The following ETV6 variants were observed in gnomAD, a reference collection of about 807,000 sequenced individuals.
The protein encoded by ETV6 is transcription factor ETV6.
In ETV6, 16 loss-of-function variants were observed where a neutral mutation model predicts 51.1. The observed-to-expected ratio is 0.31, with a 90% CI of 0.21 to 0.48. The LOEUF is 0.48. Among genes scored for constraint, ETV6 ranks in the 20% least tolerant of loss-of-function variants. The pLI is 0.99. For missense variants in ETV6, 458 were observed against 594.8 expected, an observed-to-expected ratio of 0.77 and a Z score of 2.39; for synonymous variants, 240 against 224.1, an observed-to-expected ratio of 1.07 and a Z score of -0.64.
At chr12:11,743,181 A>C (rs1865842198) in intron 1 of ETV6, among the ~76,000 whole-genome samples, 1 of 152,162 alleles carries the variant, frequency 6.6e-6, no homozygotes. Context: ...ACACAGCAAC[A>C]CTGAGGAGAC....
At chr12:11,674,299 G>C (rs1023688653) in intron 1 of ETV6, among the ~76,000 whole-genome samples, 3 of 152,164 alleles carry the variant, frequency 2.0e-5, no homozygotes, top group African/African-American at 7.2e-5. Context: ...AAGAGGGAAA[G>C]CAGGAATTCT....
chr12:11,762,701 G>A (rs186854157), intron 2 of ETV6, among the ~76,000 whole-genome samples: 14 of 152,270 alleles, frequency 9.2e-5, no homozygotes, highest in Non-Finnish European at 1.6e-4. Context: ...CCCTGGGCAT[G>A]AAAACTCACA....
chr12:11,704,032 T>C (rs1865029747), intron 1 of ETV6, among the ~76,000 whole-genome samples: 1 of 152,194 alleles, frequency 6.6e-6, no homozygotes, highest in African/African-American at 2.4e-5. Flanking sequence ...TCCTTCTAGT[T>C]TTTATTTTAG....
chr12:11,673,626 A>G (rs1429568796), intron 1 of ETV6, among the ~76,000 whole-genome samples: 1 of 152,036 alleles, frequency 6.6e-6, no homozygotes, highest in Non-Finnish European at 1.5e-5. Context: ...AGAAATCAAT[A>G]TTTTTTCCTA....
intron 2 of ETV6, among the ~76,000 whole-genome samples, chr12:11,803,274 G>A (rs1158996599): frequency 6.6e-6 from 1 of 152,150 alleles, no homozygotes; most frequent in South Asian, 2.1e-4. Flanking sequence ...GCAAATTAGG[G>A]AAGAATGAAA....
At chr12:11,689,204 C>T (rs1049426065) in intron 1 of ETV6, among the ~76,000 whole-genome samples, 1 of 151,986 alleles carries the variant, frequency 6.6e-6, no homozygotes, top group African/African-American at 2.4e-5. Context: ...TAGATTGAAC[C>T]CCTGTGCTGG....
intron 1 of ETV6, among the ~76,000 whole-genome samples, chr12:11,705,685 A>G (rs960103474): frequency 3.9e-5 from 6 of 152,240 alleles, no homozygotes; most frequent in African/African-American, 1.4e-4. Flanking sequence ...TAAAAACAGC[A>G]CATTATTTTT....
At chr12:11,715,202 T>C (rs1386578856) in intron 1 of ETV6, among the ~76,000 whole-genome samples, 2 of 151,982 alleles carry the variant, frequency 1.3e-5, no homozygotes, top group South Asian at 2.1e-4. Flanking sequence ...CTATTTCTCT[T>C]TTCACTGGCC....
intron 4 of ETV6, among the ~76,000 whole-genome samples, chr12:11,863,094 G>A (rs1326742286): frequency 6.6e-6 from 1 of 152,128 alleles, no homozygotes; most frequent in Non-Finnish European, 1.5e-5. Context: ...ATGTGATCCT[G>A]GTGTGTGAGA....
intron 7 of ETV6, among the ~76,000 whole-genome samples, 192 bp from the exon 8 acceptor site, chr12:11,890,749 A>G (rs1464530253): frequency 6.6e-6 from 1 of 152,140 alleles, no homozygotes; most frequent in Non-Finnish European, 1.5e-5. Flanking sequence ...TAAGCATTTT[A>G]CCACTTTTTA....
chr12:11,742,279 A>G (rs1591643458), intron 1 of ETV6, among the ~76,000 whole-genome samples: 1 of 152,342 alleles, frequency 6.6e-6, no homozygotes, highest in East Asian at 1.9e-4. Context: ...GCAGGGTAGT[A>G]GTCACCTTGT....
chr12:11,886,734 A>C (rs138428970), intron 7 of ETV6, among the ~76,000 whole-genome samples: 317 of 152,336 alleles, frequency 2.1e-3, no homozygotes, highest in Middle Eastern at 0.014. Flanking sequence ...TTGTAATTCC[A>C]AGTACTATGC....
chr12:11,730,400 G>A (rs1046063535), intron 1 of ETV6, among the ~76,000 whole-genome samples: 2 of 152,252 alleles, frequency 1.3e-5, no homozygotes, highest in African/African-American at 4.8e-5. Flanking sequence ...CAATGAGGCT[G>A]CTGCTCTGGG....
intron 2 of ETV6, among the ~76,000 whole-genome samples, chr12:11,767,910 T>C (rs1444247359): frequency 1.3e-5 from 2 of 152,206 alleles, no homozygotes; most frequent in African/African-American, 4.8e-5. Context: ...GGTCTCTGAA[T>C]GCTGACATGA....
intron 1 of ETV6, among the ~76,000 whole-genome samples, chr12:11,717,118 T>C (rs1470162250): frequency 6.6e-6 from 1 of 152,192 alleles, no homozygotes; most frequent in Non-Finnish European, 1.5e-5. Flanking sequence ...GCCCACGTTG[T>C]ATTCCTTCCT....
intron 2 of ETV6, among the ~76,000 whole-genome samples, chr12:11,812,240 T>C (rs1184408936): frequency 6.6e-6 from 1 of 152,210 alleles, no homozygotes. Context: ...TTTGCACAAA[T>C]CTTACCAGAA....
chr12:11,778,503 C>T (rs1161347694), intron 2 of ETV6, among the ~76,000 whole-genome samples: 1 of 152,180 alleles, frequency 6.6e-6, no homozygotes, highest in African/African-American at 2.4e-5. Context: ...CTGATGCTCT[C>T]AATATATGCG....
chr12:11,681,825 CT>C (rs1342321869), intron 1 of ETV6, among the ~76,000 whole-genome samples: 1 of 152,136 alleles, frequency 6.6e-6, no homozygotes, highest in Admixed American at 6.6e-5. Flanking sequence ...CAGTGTTAGG[CT>C]TTCTGTTCCT....
At chr12:11,650,504 A>AAAAAAAAAAC (rs71057758) in intron 1 of ETV6, among the ~76,000 whole-genome samples, 14 of 94,226 alleles carry the variant, frequency 1.5e-4, no homozygotes, top group South Asian at 3.8e-4. Flanking sequence ...AACAAAAAAC[A>AAAAAAAAAAC]AAAAAAAAAA....
Sources: allele counts gnomAD v4.1 joint callset (sites outside exome capture counted in the v4.1 genomes callset), GRCh38; gene constraint gnomAD v4.1.1; transcripts MANE v1.5; gene names NCBI Gene and HGNC (gene_info 2026-07-23, HGNC 2026-07-21).